Variants in TFF2 observed in about 807,000 individuals in gnomAD.
TFF2 encodes the protein spasmolysin.
A neutral mutation model predicts 16.0 loss-of-function variants in TFF2; 19 were observed. The ratio of observed to expected loss-of-function variants is 1.19; its 90% CI spans 0.83 to 1.74. The LOEUF is 1.74. Ranked by LOEUF, TFF2 falls within the 40% of genes most tolerant of loss-of-function variation. The pLI is 0.00. For synonymous variants in TFF2, 61 were observed against 65.4 expected (o/e 0.93, Z 0.32); for missense variants, 168 against 166.8 (o/e 1.01, Z -0.04).
rs201116973 is a variant in TFF2, at chr21:42,350,824, T to TG, written c.79+54_79+55insC. The TG allele has an allele frequency of 1.9e-3, 2,957 of 1,540,348 alleles. 46 individuals carry two copies. In the African/African-American group the frequency reaches 0.029, roughly 15 times the overall value. On this transcript the variant is annotated intron_variant, in intron 1 of 3. Coordinates refer to ENST00000291526, the MANE Select transcript of TFF2 (RefSeq NM_005423.5). ...AGTTAATTTATGGTTGTGCTTTTTTTTTTTCTTTAAGAGAAATAAAGAAAG... is the reference window on the plus strand; with the variant it reads ...AGTTAATTTATGGTTGTGCTTTTTTTGTTTTCTTTAAGAGAAATAAAGAAAG...
At chr21:42,350,062 G>C in intron 1 of TFF2, 32 bp from the exon 2 acceptor site, 1 of 1,576,620 alleles carries the variant, frequency 6.3e-7, no homozygotes, top group African/African-American at 1.3e-5. Flanking sequence ...GCCCCACCCT[G>C]GTACCCCAGA....
chr21:42,348,825 C>A (rs1223665697), intron 2 of TFF2, among the ~76,000 whole-genome samples: 1 of 152,070 alleles, frequency 6.6e-6, no homozygotes, highest in African/African-American at 2.4e-5. Context: ...TGGGCTACCT[C>A]TAGACTAGCA....
intron 2 of TFF2, among the ~76,000 whole-genome samples, chr21:42,348,615 T>C (rs1171818677): frequency 6.6e-6 from 1 of 152,124 alleles, no homozygotes; most frequent in Non-Finnish European, 1.5e-5. Context: ...CAACCTGGGC[T>C]ACCTCTAGAC....
rs779714078 is a variant in TFF2, at chr21:42,350,499, C to T, written c.79+380G>A. 1.9e-5 allele frequency: 4 copies of T among 210,574 alleles called. No individual in the cohort carries two copies. In the East Asian group the frequency reaches 3.9e-4, roughly 21 times the overall value. 13.0% of individuals were successfully genotyped at this position (210,574 alleles called of 1,614,324 possible). A position where few individuals can be genotyped will look rare whatever the true frequency, so the allele number is the denominator to read the frequency against. On this transcript the variant is annotated intron_variant, in intron 1 of 3. Transcript: ENST00000291526. The stretch of plus-strand genomic sequence containing the variant: ...AGTGAGCCAAGATCACACCACTGCA[C>T]TCCTGCCTGGGCGGCAAAGCCAGAT...
In TFF2 at chr21:42,346,499, G is replaced by C; in HGVS notation, c.*34C>G. ...TTCTTCTTTGGTTTCGGAACACCCG[G>C]TGAGCCAGATGCATCCTCTGGAACC... On this transcript the variant is annotated 3_prime_UTR_variant, in exon 4 of 4. Coordinates refer to ENST00000291526, the MANE Select transcript of TFF2 (RefSeq NM_005423.5). The C allele has an allele frequency of 6.2e-7, 1 of 1,612,944 alleles. No homozygotes were observed.
chr21:42,348,312 C>T (rs1308430565), intron 2 of TFF2, among the ~76,000 whole-genome samples: 1 of 152,224 alleles, frequency 6.6e-6, no homozygotes, highest in Non-Finnish European at 1.5e-5. Flanking sequence ...TAGAAGGCTT[C>T]ACTTCCTTCC....
intron 1 of TFF2, 44 bp downstream of exon 1, chr21:42,350,835 G>A: frequency 6.5e-7 from 1 of 1,531,238 alleles, no homozygotes; most frequent in Non-Finnish European, 8.8e-7. Flanking sequence ...TTTTCTTTAA[G>A]AGAAATAAAG....
At chr21:42,346,731 G>T (rs1211846955) in intron 3 of TFF2, among the ~76,000 whole-genome samples, 185 bp from the exon 4 acceptor site, 1 of 152,172 alleles carries the variant, frequency 6.6e-6, no homozygotes, top group South Asian at 2.1e-4. Flanking sequence ...TTCCTCTGTG[G>T]GGCGCATTCT....
At chr21:42,350,215 T>C in intron 1 of TFF2, 185 bp from the exon 2 acceptor site, 1 of 1,241,382 alleles carries the variant, frequency 8.1e-7, no homozygotes, top group Non-Finnish European at 1.0e-6. Flanking sequence ...CTGAAATTGT[T>C]ATATTAGTTT....
intron 2 of TFF2, 118 bp from the exon 3 acceptor site, chr21:42,347,750 C>T: frequency 1.5e-6 from 2 of 1,327,872 alleles, no homozygotes; most frequent in Non-Finnish European, 2.0e-6. Flanking sequence ...TCATGAGGTG[C>T]TGCCTGGGGC....
intron 1 of TFF2, 192 bp from the exon 2 acceptor site, chr21:42,350,222 G>C (rs1454440405): frequency 4.5e-6 from 5 of 1,123,348 alleles, no homozygotes; most frequent in South Asian, 3.7e-5. Context: ...TGTTATATTA[G>C]TTTAAAAGGA....
chr21:42,346,680 G>A (rs1432276233), intron 3 of TFF2, 134 bp from the exon 4 acceptor site: 2 of 980,358 alleles, frequency 2.0e-6, no homozygotes, highest in Non-Finnish European at 3.0e-6. Flanking sequence ...TCCCGGGGAG[G>A]GGGTGTAAAG....
At chr21:42,349,659 C>T (rs1398508441) in intron 2 of TFF2, among the ~76,000 whole-genome samples, 1 of 152,120 alleles carries the variant, frequency 6.6e-6, no homozygotes, top group Admixed American at 6.5e-5. Flanking sequence ...CCCAGACTAA[C>T]CAACCTGGGC....
At position 42,350,872 on chromosome 21, in the gene TFF2, C is replaced by T; in HGVS notation, c.79+7G>A. On this transcript the variant is annotated splice_region_variant and intron_variant, in intron 1 of 3. Coordinates refer to ENST00000291526, the MANE Select transcript of TFF2 (RefSeq NM_005423.5). The stretch of plus-strand genomic sequence containing the variant: ...AAGCACATAAAAAGACCCTCTCCTT[C>T]ACTTACAGGGTTTCTCACTCCCCGC... 1 of 1,606,676 alleles carries T rather than the reference C, an allele frequency of 6.2e-7. No individual in the cohort carries two copies. The highest frequency in any genetic ancestry group is 1.3e-5 in the African/African-American group (1 of 74,584).
At chr21:42,348,250 A>G (rs2052085126) in intron 2 of TFF2, among the ~76,000 whole-genome samples, 1 of 152,126 alleles carries the variant, frequency 6.6e-6, no homozygotes, top group Admixed American at 6.5e-5. Flanking sequence ...TCGGCGTTAC[A>G]ACTTGGGTCC....
rs774285681 is a variant in TFF2 at position 42,350,854 on chromosome 21, T to TA, written c.79+24dup. On this transcript the variant is annotated intron_variant, in intron 1 of 3. Coordinates refer to ENST00000291526, the MANE Select transcript of TFF2 (RefSeq NM_005423.5). ...CTTTAAGAGAAATAAAGAAAGCACA[T>TA]AAAAAGACCCTCTCCTTCACTTACA... The TA allele has an allele frequency of 2.5e-6, 4 of 1,585,004 alleles. No individual in the cohort carries two copies. In the East Asian group the frequency reaches 9.0e-5, roughly 36 times the overall value.
intron 1 of TFF2, among the ~76,000 whole-genome samples, chr21:42,350,640 G>A (rs549315850): frequency 6.6e-6 from 1 of 152,292 alleles, no homozygotes; most frequent in African/African-American, 2.4e-5. Context: ...CCCTTGGTGG[G>A]AATGCCCTCC....
At chr21:42,350,188 A>G (rs2052105406) in intron 1 of TFF2, 158 bp from the exon 2 acceptor site, 4 of 1,298,568 alleles carry the variant, frequency 3.1e-6, no homozygotes, top group East Asian at 5.8e-5. Flanking sequence ...TCCTCCTGAG[A>G]AGCCGATAGG....
chr21:42,350,372 C>CAA (rs796159778), intron 1 of TFF2: 49 of 189,942 alleles, frequency 2.6e-4, no homozygotes, highest in South Asian at 3.2e-4. Flanking sequence ...ACAAACAATA[C>CAA]AAAAAAAAAA....
Sources: allele counts gnomAD v4.1 joint callset (sites outside exome capture counted in the v4.1 genomes callset), GRCh38; gene constraint gnomAD v4.1.1; transcripts MANE v1.5; gene names NCBI Gene and HGNC (gene_info 2026-07-23, HGNC 2026-07-21).